Variants in SH3PXD2A observed in about 807,000 individuals in gnomAD.
SH3PXD2A encodes the protein SH3 and PX domains 2A.
SH3PXD2A carries 32 observed loss-of-function variants against 115.2 expected under a neutral mutation model. That is an observed-to-expected ratio of 0.28 (90% confidence interval 0.21 to 0.37). The LOEUF (loss-of-function observed/expected upper bound fraction) is 0.37, where lower values mean the gene tolerates loss of function less well. Ranked by LOEUF, SH3PXD2A falls within the 10% of genes least tolerant of loss-of-function variation. The pLI is 1.00. For missense variants in SH3PXD2A, 1,328 were observed against 1,498.7 expected (o/e 0.89, Z 1.88); for synonymous variants, 610 against 629.1 (o/e 0.97, Z 0.45).
chr10:103,656,262 G>T (rs1402134549), intron 8 of SH3PXD2A, among the ~76,000 whole-genome samples: 1 of 152,226 alleles, frequency 6.6e-6, no homozygotes, highest in Non-Finnish European at 1.5e-5. Context: ...TATACTCTGT[G>T]ATGGTTCTCC....
chr10:103,765,920 A>G (rs1355306089), intron 3 of SH3PXD2A, among the ~76,000 whole-genome samples: 1 of 152,158 alleles, frequency 6.6e-6, no homozygotes, highest in Non-Finnish European at 1.5e-5. Context: ...AGGGGCCGAG[A>G]GTCCCTACAC....
intron 8 of SH3PXD2A, among the ~76,000 whole-genome samples, chr10:103,637,404 G>A (rs1170844563): frequency 6.6e-6 from 1 of 152,178 alleles, no homozygotes; most frequent in African/African-American, 2.4e-5. Context: ...AGCTCAGAAT[G>A]TGGGCTGCAC....
chr10:103,822,570 G>T (rs896898866), intron 1 of SH3PXD2A, among the ~76,000 whole-genome samples: 2 of 152,254 alleles, frequency 1.3e-5, no homozygotes, highest in Non-Finnish European at 2.9e-5. Flanking sequence ...GCACTTTCAT[G>T]CCTGTTAACG....
chr10:103,672,130 C>T (rs1031112324), intron 6 of SH3PXD2A, among the ~76,000 whole-genome samples: 1 of 152,148 alleles, frequency 6.6e-6, no homozygotes, highest in African/African-American at 2.4e-5. Context: ...ACTGAAAATA[C>T]AAAAATTAGC....
chr10:103,772,452 C>T (rs1418245065), intron 2 of SH3PXD2A, among the ~76,000 whole-genome samples: 2 of 152,214 alleles, frequency 1.3e-5, no homozygotes, highest in Non-Finnish European at 2.9e-5. Context: ...ATTCTCCTGT[C>T]ACTCCAGCAC....
At chr10:103,748,154 C>G (rs533123670) in intron 3 of SH3PXD2A, among the ~76,000 whole-genome samples, 1 of 152,316 alleles carries the variant, frequency 6.6e-6, no homozygotes, top group East Asian at 1.9e-4. Flanking sequence ...TTTATTATGA[C>G]AGTTGATCCT....
intron 2 of SH3PXD2A, among the ~76,000 whole-genome samples, chr10:103,778,808 G>A (rs2038905382): frequency 6.6e-6 from 1 of 152,146 alleles, no homozygotes; most frequent in Non-Finnish European, 1.5e-5. Flanking sequence ...AAGGCCTTTT[G>A]GGTTTTTCAC....
At chr10:103,708,286 C>T (rs960145565) in intron 5 of SH3PXD2A, among the ~76,000 whole-genome samples, 14 of 152,194 alleles carry the variant, frequency 9.2e-5, no homozygotes, top group African/African-American at 2.2e-4. Flanking sequence ...GCTCGGGTCC[C>T]CAAGCTGGGG....
intron 13 of SH3PXD2A, among the ~76,000 whole-genome samples, chr10:103,606,283 C>T (rs2036300735): frequency 6.6e-6 from 1 of 151,214 alleles, no homozygotes; most frequent in African/African-American, 2.4e-5. Context: ...AATCAGAGCT[C>T]ACTGCAGCCT....
At chr10:103,766,221 AG>A (rs977399684) in intron 3 of SH3PXD2A, among the ~76,000 whole-genome samples, 3 of 152,198 alleles carry the variant, frequency 2.0e-5, no homozygotes, top group African/African-American at 4.8e-5. Context: ...CTTCTTGCCA[AG>A]GTCTGACTGA....
intron 5 of SH3PXD2A, among the ~76,000 whole-genome samples, chr10:103,707,911 T>C (rs1342264578): frequency 6.6e-6 from 1 of 152,162 alleles, no homozygotes; most frequent in Admixed American, 6.6e-5. Context: ...AAGGTCACCC[T>C]GGCCCAGGCT....
chr10:103,605,702 C>T, intron 14 of SH3PXD2A, 96 bp downstream of exon 14: 18 of 1,476,632 alleles, frequency 1.2e-5, no homozygotes, highest in Non-Finnish European at 1.7e-5. Flanking sequence ...CCTGCCTGCC[C>T]CTCAGGAATC....
rs990408465 is a variant in SH3PXD2A at position 103,789,939 on chromosome 10, C to T, written c.153+11343G>A. The stretch of plus-strand genomic sequence containing the variant: ...ATTCAACAATGAGAGAGGCAGGTGA[C>T]GGTGTGCAGGAGATGTGGGCTGAGC... On this transcript the variant is annotated intron_variant, in intron 2 of 14. Coordinates refer to ENST00000369774, the MANE Select transcript of SH3PXD2A (RefSeq NM_001394015.1). 2.6e-5 allele frequency among the ~76,000 whole-genome samples: 4 copies of T among 152,098 alleles called. 1 individual carries two copies. The East Asian group carries it at 5.8e-4, about 22-fold the overall frequency.
intron 8 of SH3PXD2A, among the ~76,000 whole-genome samples, chr10:103,637,707 G>T (rs1378304516): frequency 2.6e-5 from 4 of 152,138 alleles, no homozygotes; most frequent in Non-Finnish European, 5.9e-5. Context: ...AAGGGAATAG[G>T]GCATTTGCGA....
intron 2 of SH3PXD2A, among the ~76,000 whole-genome samples, chr10:103,778,599 C>T (rs118062815): frequency 5.2e-4 from 79 of 152,326 alleles, no homozygotes; most frequent in Admixed American, 2.7e-3. Context: ...TGGCACTGTG[C>T]GGATGAAATG....
chr10:103,732,177 T>G (rs1010806998), intron 4 of SH3PXD2A, among the ~76,000 whole-genome samples: 1 of 152,184 alleles, frequency 6.6e-6, no homozygotes, highest in African/African-American at 2.4e-5. Context: ...AATATTCATT[T>G]TATCCCTTGG....
At chr10:103,610,734 C>T (rs1416495705) in intron 13 of SH3PXD2A, among the ~76,000 whole-genome samples, 1 of 152,106 alleles carries the variant, frequency 6.6e-6, no homozygotes, top group Non-Finnish European at 1.5e-5. Context: ...TGTTTGCTAG[C>T]CCCCCACATA....
intron 6 of SH3PXD2A, among the ~76,000 whole-genome samples, chr10:103,680,618 C>T (rs1164478675): frequency 1.3e-5 from 2 of 152,190 alleles, no homozygotes; most frequent in African/African-American, 4.8e-5. Context: ...GACTTTCTAA[C>T]ATGACCCAGT....
At chr10:103,744,833 T>G (rs1173614578) in intron 3 of SH3PXD2A, among the ~76,000 whole-genome samples, 1 of 152,216 alleles carries the variant, frequency 6.6e-6, no homozygotes, top group Non-Finnish European at 1.5e-5. Flanking sequence ...AATCTCTCTT[T>G]AGAGCCAAGA....
Sources: gnomAD v4.1 joint callset for allele counts (sites outside exome capture counted in the v4.1 genomes callset) on GRCh38, gnomAD v4.1.1 for gene constraint, MANE v1.5 for transcripts, NCBI Gene and HGNC (gene_info 2026-07-23, HGNC 2026-07-21) for gene names.